Variants in DGKB observed in about 807,000 individuals in gnomAD.
The protein encoded by DGKB is 90 kDa diacylglycerol kinase.
A neutral mutation model predicts 114.3 loss-of-function variants in DGKB; 67 were observed. That is an observed-to-expected ratio of 0.59 (90% CI 0.48 to 0.72). The LOEUF is 0.72. Ranked by LOEUF, DGKB falls within the 30% of genes least tolerant of loss-of-function variation. DGKB has a pLI of 0.00. For synonymous variants in DGKB, 398 were observed against 323.1 expected, an observed-to-expected ratio of 1.23 and a Z score of -2.49; for missense variants, 907 against 975.2, an observed-to-expected ratio of 0.93 and a Z score of 0.93.
At chr7:14,914,735 T>C (rs1330101468) in intron 1 of DGKB, among the ~76,000 whole-genome samples, 1 of 152,130 alleles carries the variant, frequency 6.6e-6, no homozygotes, top group South Asian at 2.1e-4. Flanking sequence ...AGGATTAATA[T>C]GTTAAAGGAT....
chr7:14,866,326 C>T (rs1171013784), intron 1 of DGKB, among the ~76,000 whole-genome samples: 1 of 152,116 alleles, frequency 6.6e-6, no homozygotes, highest in Non-Finnish European at 1.5e-5. Flanking sequence ...TGGGTTTGGA[C>T]AAATGTATAA....
chr7:14,532,139 C>G (rs909805413), intron 20 of DGKB, among the ~76,000 whole-genome samples: 1 of 150,946 alleles, frequency 6.6e-6, no homozygotes, highest in Non-Finnish European at 1.5e-5. Context: ...TCTTCACGAC[C>G]TTTGGGTTAG....
In DGKB at chr7:14,647,558, G is replaced by A. The variant is rs182090624; in HGVS notation, c.1135-17290C>T. ...CAAACTACAGGCCAATATCCCTGAT[G>A]AATATGGGTGTAAAAATCCTCTACC... On this transcript the variant is annotated intron_variant, in intron 13 of 25. Coordinates refer to ENST00000402815, the MANE Select transcript of DGKB (RefSeq NM_001350709.2). 2.6e-4 allele frequency among the ~76,000 whole-genome samples: 39 copies of A among 152,290 alleles called. No homozygotes were observed. The East Asian group carries it at 5.2e-3, about 20-fold the overall frequency.
chr7:14,313,830 G>C (rs2128512365), intron 23 of DGKB, among the ~76,000 whole-genome samples: 1 of 152,286 alleles, frequency 6.6e-6, no homozygotes, highest in Admixed American at 6.5e-5. Flanking sequence ...CTGGGGGCAG[G>C]GCACAGACAA....
At chr7:14,810,015 T>C (rs1452336526) in intron 2 of DGKB, among the ~76,000 whole-genome samples, 1 of 152,238 alleles carries the variant, frequency 6.6e-6, no homozygotes, top group African/African-American at 2.4e-5. Context: ...CTGTTAAACA[T>C]GTTCGGATTC....
At chr7:14,598,218 ACATTCTGAT>A (rs1172291621) in intron 17 of DGKB, among the ~76,000 whole-genome samples, 1 of 152,186 alleles carries the variant, frequency 6.6e-6, no homozygotes, top group Admixed American at 6.5e-5. Context: ...TTCATTTAAA[ACATTCTGAT>A]CACTCTGATA....
intron 9 of DGKB, among the ~76,000 whole-genome samples, chr7:14,686,857 C>CT (rs1275508217): frequency 2.0e-5 from 3 of 151,724 alleles, no homozygotes; most frequent in Non-Finnish European, 2.9e-5. Context: ...TTCTTTCTTT[C>CT]TTTTTTTTCT....
chr7:14,451,648 T>C (rs1831525635), intron 21 of DGKB, among the ~76,000 whole-genome samples: 1 of 151,994 alleles, frequency 6.6e-6, no homozygotes, highest in East Asian at 1.9e-4. Context: ...AACTGTGCTA[T>C]GCCCTTTGTA....
At chr7:14,912,263 T>C (rs547633848) in intron 1 of DGKB, among the ~76,000 whole-genome samples, 1 of 152,150 alleles carries the variant, frequency 6.6e-6, no homozygotes, top group Non-Finnish European at 1.5e-5. Context: ...ATAGGCCTAT[T>C]TCCTAATGTT....
intron 2 of DGKB, among the ~76,000 whole-genome samples, chr7:14,828,349 G>A (rs1439311027): frequency 1.3e-5 from 2 of 151,964 alleles, no homozygotes; most frequent in African/African-American, 4.8e-5. Flanking sequence ...AGAGGTTACT[G>A]ACAACCAAGA....
intron 21 of DGKB, among the ~76,000 whole-genome samples, chr7:14,469,417 A>G (rs1331035294): frequency 6.6e-6 from 1 of 152,124 alleles, no homozygotes; most frequent in African/African-American, 2.4e-5. Flanking sequence ...ATAAAAAATG[A>G]ACAGGAGAAT....
chr7:14,869,694 A>T (rs1422089947), intron 1 of DGKB, among the ~76,000 whole-genome samples: 1 of 152,152 alleles, frequency 6.6e-6, no homozygotes, highest in Non-Finnish European at 1.5e-5. Context: ...CATAATTACT[A>T]TGCATGGGCA....
rs898512065 is a variant in DGKB at position 14,716,963 on chromosome 7, C to T, written c.466+1579G>A. ...TTTAAAACAAAAGGAAAAGGCAATG[C>T]ATCTAGTGTAAGCTTGAAAAAAAGC... On this transcript the variant is annotated intron_variant, in intron 6 of 25. Coordinates refer to ENST00000402815, the MANE Select transcript of DGKB (RefSeq NM_001350709.2). 8.0e-5 allele frequency among the ~76,000 whole-genome samples: 12 copies of T among 150,776 alleles called. 1 individual carries two copies. Among genetic ancestry groups the T allele is most frequent in the Admixed American group, 6.7e-5 (1 of 15,012 alleles).
At chr7:14,234,176 A>G (rs1792383789) in intron 23 of DGKB, among the ~76,000 whole-genome samples, 1 of 152,050 alleles carries the variant, frequency 6.6e-6, no homozygotes, top group South Asian at 2.1e-4. Context: ...ATTCAACATA[A>G]TACCTAAGTA....
chr7:14,651,862 A>G (rs1247870740), intron 13 of DGKB, among the ~76,000 whole-genome samples: 2 of 131,216 alleles, frequency 1.5e-5, no homozygotes, highest in African/African-American at 5.8e-5. Flanking sequence ...ATAACAGACA[A>G]ACAGAGAGCC....
At chr7:14,765,693 C>A (rs1330668201) in intron 2 of DGKB, among the ~76,000 whole-genome samples, 2 of 151,898 alleles carry the variant, frequency 1.3e-5, no homozygotes, top group East Asian at 3.9e-4. Context: ...TAATTTCCAC[C>A]TTTATACGTA....
chr7:14,146,784 C>T lies in DGKB; in HGVS notation c.*2347G>A, dbSNP rs1781522938. 1 of 152,082 alleles carries T rather than the reference C, an allele frequency of 6.6e-6. No individual in the cohort carries two copies. The highest frequency in any genetic ancestry group is 2.1e-4 in the South Asian group (1 of 4,826). 9.4% of individuals were successfully genotyped at this position (152,082 alleles called of 1,614,324 possible). A position where few individuals can be genotyped will look rare whatever the true frequency, so the allele number is the denominator to read the frequency against. On this transcript the variant is annotated 3_prime_UTR_variant, in exon 26 of 26. Transcript: ENST00000402815. ...AGAATCCATCTGACTGAAAATGTAA[C>T]CACTATTAGCACTAATTGTAGTTAT...
At chr7:14,232,371 G>A (rs1234555699) in intron 23 of DGKB, among the ~76,000 whole-genome samples, 52 of 90,060 alleles carry the variant, frequency 5.8e-4, no homozygotes, top group African/African-American at 3.4e-3. Context: ...GAGTAAGTTA[G>A]TGAAAAAAAA....
intron 21 of DGKB, among the ~76,000 whole-genome samples, chr7:14,475,707 G>T (rs755994564): frequency 2.5e-4 from 38 of 152,040 alleles, no homozygotes; most frequent in Admixed American, 1.4e-3. Flanking sequence ...AATTTGCAAA[G>T]AAGTTTTAAT....
Sources: allele counts gnomAD v4.1 joint callset (sites outside exome capture counted in the v4.1 genomes callset), GRCh38; gene constraint gnomAD v4.1.1; transcripts MANE v1.5; gene names NCBI Gene and HGNC (gene_info 2026-07-23, HGNC 2026-07-21).